The following ACP6 variants were observed in gnomAD, a reference collection of about 807,000 sequenced individuals.
ACP6 encodes the protein acid phosphatase 6, lysophosphatidic, also known as lysophosphatidic acid phosphatase type 6.
ACP6 carries 48 observed loss-of-function variants against 48.1 expected under a neutral mutation model. That is an observed-to-expected ratio of 1.00 (90% confidence interval 0.79 to 1.27). ACP6 has a LOEUF of 1.27. Ranked by LOEUF, ACP6 falls within the 50% of genes most tolerant of loss-of-function variation. The probability of loss-of-function intolerance (pLI) is 0.00; values close to 1 mark genes in which losing one functional copy is unlikely to be tolerated. For missense variants in ACP6, 485 were observed against 529.1 expected (o/e 0.92, Z 0.82); for synonymous variants, 172 against 204.2 (o/e 0.84, Z 1.34).
chr1:147,651,956 G>A (rs1553210633), intron 7 of ACP6: 1 of 153,304 alleles, frequency 6.5e-6, no homozygotes, highest in Non-Finnish European at 1.5e-5. Flanking sequence ...TAGGCAGTCA[G>A]TGGATCTGGG....
intron 9 of ACP6, 23 bp downstream of exon 9, chr1:147,648,223 C>G (rs782129830): frequency 6.2e-7 from 1 of 1,613,008 alleles, no homozygotes; most frequent in Non-Finnish European, 8.5e-7. Flanking sequence ...CACCACCACC[C>G]AACCCCACCT....
chr1:147,638,856 CT>C (rs1437369976), downstream of ACP6, among the ~76,000 whole-genome samples: 3 of 152,034 alleles, frequency 2.0e-5, no homozygotes, highest in African/African-American at 7.2e-5. Flanking sequence ...CTGGTTTTTG[CT>C]TTTGTTTTTG....
At chr1:147,669,591 C>G (rs868959841) in intron 1 of ACP6, among the ~76,000 whole-genome samples, 2 of 152,252 alleles carry the variant, frequency 1.3e-5, no homozygotes, top group Non-Finnish European at 2.9e-5. Context: ...TCTTAAGCAG[C>G]GCTTACTGAT....
intron 4 of ACP6, among the ~76,000 whole-genome samples, chr1:147,657,513 C>A (rs587673692): frequency 6.6e-6 from 1 of 152,148 alleles, no homozygotes; most frequent in African/African-American, 2.4e-5. Context: ...CTCCGCCTCC[C>A]GAGTTCAAAC....
At position 147,644,343 on chromosome 1, in the gene ACP6, GA is replaced by G. The variant is rs1659546479; in HGVS notation, c.*3079del. 1 of 152,090 alleles carries G rather than the reference GA, an allele frequency of 6.6e-6. No individual in the cohort carries two copies. Among genetic ancestry groups the G allele is most frequent in the African/African-American group, 2.4e-5 (1 of 41,440 alleles). The allele number at this position is 152,090 out of a possible 1,614,324, so 9.4% of individuals were successfully genotyped here. A position where few individuals can be genotyped will look rare whatever the true frequency, so the allele number is the denominator to read the frequency against. ...AAGTTTTTATTACAAAAAAGAAGAA[GA>G]ATGGTAAGATGGCGAGTATGGCTGG... On this transcript the variant is annotated 3_prime_UTR_variant, in exon 10 of 10. Coordinates refer to ENST00000583509, the MANE Select transcript of ACP6 (RefSeq NM_016361.5).
At chr1:147,657,807 T>C (rs1312101614) in intron 4 of ACP6, among the ~76,000 whole-genome samples, 1 of 152,204 alleles carries the variant, frequency 6.6e-6, no homozygotes, top group Non-Finnish European at 1.5e-5. Flanking sequence ...CCAACAACTG[T>C]AGGTCCAGCG....
Position 147,652,516 on chromosome 1 carries a change from T to C in ACP6, c.814A>G (p.Arg272Gly). Residue 272 changes from arginine to glycine, a missense_variant, in exon 7 of 10, where the codon AGA (arginine) becomes GGA (glycine). By Grantham distance (125) the Arg-to-Gly change is moderately radical. Coordinates refer to ENST00000583509, the MANE Select transcript of ACP6 (RefSeq NM_016361.5). ...HNLPSCPMLK[R>G]FARMIEQRAV... ...CTCTGTTCGATCATCCTTGCAAATC[T>C]CTTCAGCATGGGGCAGCTTGGGAGG... The C allele has an allele frequency of 6.2e-7, 1 of 1,614,098 alleles. No individual in the cohort carries two copies. The highest frequency in any genetic ancestry group is 2.2e-5 in the East Asian group (1 of 44,872).
chr1:147,660,875 A>G (rs1190104608), intron 1 of ACP6, among the ~76,000 whole-genome samples: 1 of 152,220 alleles, frequency 6.6e-6, no homozygotes, highest in Non-Finnish European at 1.5e-5. Context: ...CCATCAGCTC[A>G]CATACTTTCA....
Position 147,655,149 on chromosome 1 carries a change from A to G in ACP6, c.647+12T>C, listed in dbSNP as rs1229542493. 3.0e-5 allele frequency: 47 copies of G among 1,591,914 alleles called. 1 individual carries two copies. The Admixed American group carries it at 8.1e-4, about 28-fold the overall frequency. ...GTCCCCAACTGGTGAGCAAGAACCC[A>G]GGGGCAGTTACCTGGTTCTCTGCCT... On this transcript the variant is annotated intron_variant, in intron 5 of 9. Coordinates refer to ENST00000583509, the MANE Select transcript of ACP6 (RefSeq NM_016361.5).
chr1:147,652,363 G>GT (rs1404699988), intron 7 of ACP6, 86 bp downstream of exon 7: 1 of 1,332,188 alleles, frequency 7.5e-7, no homozygotes, highest in Non-Finnish European at 1.0e-6. Context: ...GCTGTCAGGT[G>GT]TGAGTGGGCC....
In ACP6 at chr1:147,648,210, C is replaced by A. The variant is rs781919219; in HGVS notation, c.1143+36G>T. ...GGTAGGTGGGTTTTGCAGGAGGGTG[C>A]CTCACCACCACCCAACCCCACCTCA... On this transcript the variant is annotated intron_variant, in intron 9 of 9. Coordinates refer to ENST00000583509, the MANE Select transcript of ACP6 (RefSeq NM_016361.5). The A allele has an allele frequency of 4.4e-6, 7 of 1,608,600 alleles. 1 individual carries two copies. The South Asian group carries it at 4.4e-5, about 10-fold the overall frequency.
chr1:147,658,982 C>T lies in ACP6; in HGVS notation c.537G>A (p.Gly179=), dbSNP rs782758442. The T allele has an allele frequency of 1.2e-6, 2 of 1,611,852 alleles. No homozygotes were observed. Among genetic ancestry groups the T allele is most frequent in the South Asian group, 2.2e-5 (2 of 90,872 alleles). The change falls in exon 4 of 10, where the codon GGG becomes GGA. Residue 179 remains glycine, a synonymous_variant. Coordinates refer to ENST00000583509, the MANE Select transcript of ACP6 (RefSeq NM_016361.5). The part of the protein sequence containing the change: ...NLESTRCLLA[G]LFQCQKEGPI... ...AACCTTCTTTCTGACACTGGAAAAGCCCAGCCAGCAAACAACGGGTGGACT... is the reference window on the plus strand; with the variant it reads ...AACCTTCTTTCTGACACTGGAAAAGTCCAGCCAGCAAACAACGGGTGGACT...
intron 7 of ACP6, 75 bp downstream of exon 7, chr1:147,652,374 T>C: frequency 6.9e-7 from 1 of 1,443,564 alleles, no homozygotes; most frequent in Admixed American, 2.1e-5. Context: ...TGAGTGGGCC[T>C]GATGAACTCC....
chr1:147,659,064 C>T (rs782728075), intron 3 of ACP6, 25 bp from the exon 4 acceptor site: 3 of 1,588,004 alleles, frequency 1.9e-6, no homozygotes, highest in Non-Finnish European at 1.7e-6. Context: ...AAAATAGTGA[C>T]ACTCATAAAA....
chr1:147,647,486 G>C lies in ACP6; in HGVS notation c.1224C>G (p.Ser408Arg), dbSNP rs1421777422. 1 of 1,614,018 alleles carries C rather than the reference G, an allele frequency of 6.2e-7. No individual in the cohort carries two copies. The highest frequency in any genetic ancestry group is 2.2e-5 in the East Asian group (1 of 44,892). ...AGCAGAGTGCGTGGTATTTTTCTGGGCTTAAGGTATAAACTGACATGGCAT... is the reference window on the plus strand; with the variant it reads ...AGCAGAGTGCGTGGTATTTTTCTGGCCTTAAGGTATAAACTGACATGGCAT... ...FLNAMSVYTL[S>R]PEKYHALCSQ... Residue 408 changes from serine to arginine, a missense_variant, in exon 10 of 10, where the codon AGC (serine) becomes AGG (arginine). By Grantham distance (110) the Ser-to-Arg change is moderately radical (BLOSUM62 -1). Coordinates refer to ENST00000583509, the MANE Select transcript of ACP6 (RefSeq NM_016361.5).
chr1:147,632,830 TGAG>T (rs1659206128), intron 5 of ACP6, among the ~76,000 whole-genome samples: 1 of 152,050 alleles, frequency 6.6e-6, no homozygotes, highest in South Asian at 2.1e-4. Flanking sequence ...ATTCTGGGGT[TGAG>T]GAGGTGAGGC....
chr1:147,641,170 GGGTGCCA>G (rs1553208597), downstream of ACP6, among the ~76,000 whole-genome samples: 675 of 152,242 alleles, frequency 4.4e-3, 6 homozygotes, highest in African/African-American at 0.016. Context: ...TGAGGAAAAG[GGGTGCCA>G]GGTGCCACTG....
chr1:147,658,545 A>T lies in ACP6; in HGVS notation c.559+415T>A, dbSNP rs1442042469. Among the ~76,000 whole-genome samples the T allele has an allele frequency of 2.0e-5, 3 of 152,230 alleles. No homozygotes were observed. The East Asian group carries it at 5.8e-4, about 29-fold the overall frequency. On this transcript the variant is annotated intron_variant, in intron 4 of 9. Coordinates refer to ENST00000583509, the MANE Select transcript of ACP6 (RefSeq NM_016361.5). ...GACTTTCTCAACTAGGAAAGGCTAG[A>T]CGGAACAGTGTTCATGCTGTGGATT...
intron 5 of ACP6, among the ~76,000 whole-genome samples, chr1:147,633,145 A>G (rs1396646104): frequency 6.6e-6 from 1 of 152,214 alleles, no homozygotes; most frequent in Non-Finnish European, 1.5e-5. Flanking sequence ...CCGCCTAATG[A>G]ATCAGGCTTC....
Sources: gnomAD v4.1 joint callset for allele counts (sites outside exome capture counted in the v4.1 genomes callset) on GRCh38, gnomAD v4.1.1 for gene constraint, MANE v1.5 for transcripts, NCBI Gene and HGNC (gene_info 2026-07-23, HGNC 2026-07-21) for gene names.